Variants in CPT1A observed in about 807,000 individuals in gnomAD.
CPT1A encodes carnitine O-palmitoyltransferase 1, liver isoform.
In CPT1A, 64 loss-of-function variants were observed where a neutral mutation model predicts 100.8. That is an observed-to-expected ratio of 0.63 (90% CI 0.52 to 0.78). The LOEUF (loss-of-function observed/expected upper bound fraction) is 0.78. Among genes scored for constraint, CPT1A ranks in the 30% least tolerant of loss-of-function variants. CPT1A has a pLI of 0.00. For missense variants in CPT1A, 802 were observed against 1,034.1 expected (o/e 0.78, Z 3.08); for synonymous variants, 363 against 396.0 (o/e 0.92, Z 0.99).
At chr11:68,754,713 G>C (rs1946660893), downstream of CPT1A, 1 of 744,600 alleles carries the variant, frequency 1.3e-6, no homozygotes, top group Admixed American at 1.8e-5. Context: ...CACAGCAAGT[G>C]AAAATCAACA....
chr11:68,812,071 C>A (rs1856226972), intron 3 of CPT1A, among the ~76,000 whole-genome samples: 1 of 152,146 alleles, frequency 6.6e-6, no homozygotes, highest in South Asian at 2.1e-4. Context: ...ACTCCAAGTG[C>A]AAAGAAATGA....
At chr11:68,759,264 G>A (rs750926167) in intron 18 of CPT1A, among the ~76,000 whole-genome samples, 4 of 151,676 alleles carry the variant, frequency 2.6e-5, no homozygotes, top group South Asian at 2.1e-4. Context: ...GGGTAGTGGC[G>A]GGTGCCTGTA....
At chr11:68,802,033 G>A (rs1003063458) in intron 5 of CPT1A, among the ~76,000 whole-genome samples, 4 of 152,114 alleles carry the variant, frequency 2.6e-5, no homozygotes, top group African/African-American at 9.7e-5. Flanking sequence ...AAAAGGCCAC[G>A]TGATTCCATT....
intron 1 of CPT1A, among the ~76,000 whole-genome samples, chr11:68,837,674 T>C (rs895468271): frequency 1.3e-5 from 2 of 150,492 alleles, no homozygotes; most frequent in Non-Finnish European, 3.0e-5. Context: ...CAATCCAGAG[T>C]GGAAAAAGGG....
At chr11:68,834,856 G>A (rs189947136) in intron 1 of CPT1A, among the ~76,000 whole-genome samples, 3 of 151,912 alleles carry the variant, frequency 2.0e-5, no homozygotes, top group African/African-American at 7.2e-5. Flanking sequence ...AAAACTACCT[G>A]GGCATGGTGG....
chr11:68,765,877 CTT>C (rs752519546), intron 14 of CPT1A, among the ~76,000 whole-genome samples: 8 of 143,576 alleles, frequency 5.6e-5, no homozygotes, highest in Admixed American at 1.4e-4. Flanking sequence ...GAGGGGCTAC[CTT>C]TTTTTTTTTT....
At chr11:68,773,825 A>G (rs1855064471) in intron 13 of CPT1A, 1 of 313,340 alleles carries the variant, frequency 3.2e-6, no homozygotes, top group Non-Finnish European at 6.2e-6. Flanking sequence ...CTTCCCGATA[A>G]GATCTCAAGC....
chr11:68,807,706 G>A lies in CPT1A; in HGVS notation c.282-68C>T, dbSNP rs529503782. On this transcript the variant is annotated intron_variant, in intron 3 of 18. Coordinates refer to ENST00000265641, the MANE Select transcript of CPT1A (RefSeq NM_001876.4). ...ACACGGTGCCACCAACACCACCGGT[G>A]ACGCCACAGACACCACGTGCTGCAG... 11 of 1,497,506 alleles carry A rather than the reference G, an allele frequency of 7.3e-6. No individual in the cohort carries two copies. The South Asian group carries it at 9.2e-5, about 12-fold the overall frequency. 92.8% of individuals were successfully genotyped at this position (1,497,506 alleles called of 1,614,324 possible). A position where few individuals can be genotyped will look rare whatever the true frequency, so the allele number is the denominator to read the frequency against.
intron 9 of CPT1A, among the ~76,000 whole-genome samples, chr11:68,788,654 A>AAAAAAAAAAAAAAT (rs369572011): frequency 6.8e-6 from 1 of 146,154 alleles, no homozygotes; most frequent in Non-Finnish European, 1.5e-5. Context: ...AAAAAAAAAA[A>AAAAAAAAAAAAAAT]GCAGAATGTC....
At chr11:68,768,477 C>T (rs550545837) in intron 14 of CPT1A, among the ~76,000 whole-genome samples, 3 of 151,992 alleles carry the variant, frequency 2.0e-5, no homozygotes, top group Non-Finnish European at 2.9e-5. Context: ...GTGGTCTTGG[C>T]GGCTCACTGC....
chr11:68,811,792 T>A (rs1281848643), intron 3 of CPT1A, among the ~76,000 whole-genome samples: 1 of 151,874 alleles, frequency 6.6e-6, no homozygotes, highest in Non-Finnish European at 1.5e-5. Flanking sequence ...ACATCACAGG[T>A]GTGCAATAAA....
intron 18 of CPT1A, 98 bp downstream of exon 18, chr11:68,759,471 G>A (rs983359970): frequency 4.8e-6 from 4 of 835,530 alleles, no homozygotes; most frequent in South Asian, 4.3e-5. Flanking sequence ...GCAGGCAGTT[G>A]AATTGACTTT....
intron 5 of CPT1A, among the ~76,000 whole-genome samples, chr11:68,802,491 G>A (rs534698870): frequency 4.6e-5 from 7 of 151,330 alleles, no homozygotes; most frequent in African/African-American, 9.7e-5. Flanking sequence ...CAGTACTTTC[G>A]GAGGCCGAGG....
At position 68,841,778 on chromosome 11, in the gene CPT1A, G is replaced by A; in HGVS notation, c.-17C>T. On this transcript the variant is annotated 5_prime_UTR_variant, in exon 1 of 19. Coordinates refer to ENST00000265641, the MANE Select transcript of CPT1A (RefSeq NM_001876.4). This position sits in a 1 kb window ranked among gnomAD's most constrained non-coding sequence, Gnocchi z 6.3. ...ACCGCGGGCGACCGGGCCTCACCGAGTCAGCTACGGAGGTGCGGCAGCGGC... is the reference window on the plus strand; with the variant it reads ...ACCGCGGGCGACCGGGCCTCACCGAATCAGCTACGGAGGTGCGGCAGCGGC... The A allele has an allele frequency of 3.0e-6, 3 of 989,800 alleles. No individual in the cohort carries two copies. Among genetic ancestry groups the A allele is most frequent in the Non-Finnish European group, 1.2e-6 (1 of 833,634 alleles). The allele number at this position is 989,800 out of a possible 1,614,324, so 61.3% of individuals were successfully genotyped here.
upstream of CPT1A, chr11:68,844,056 TC>T (rs916355048): frequency 6.6e-6 from 1 of 152,328 alleles, no homozygotes; most frequent in East Asian, 1.9e-4. Context: ...CGTGCGCCCT[TC>T]CCTGCGCGCC....
chr11:68,837,194 C>T (rs1334485139), intron 1 of CPT1A, among the ~76,000 whole-genome samples: 3 of 152,150 alleles, frequency 2.0e-5, no homozygotes, highest in East Asian at 1.9e-4. Context: ...GGATTACAGG[C>T]GTGCATCACC....
rs111558940 is a variant in CPT1A, at chr11:68,759,391, T to C, written c.2235+178A>G. Among the ~76,000 whole-genome samples the C allele has an allele frequency of 9.8e-3, 1,477 of 150,524 alleles. 29 individuals are homozygous for C. Among genetic ancestry groups the C allele is most frequent in the African/African-American group, 0.034 (1,408 of 40,960 alleles). The stretch of plus-strand genomic sequence containing the variant: ...GCCTGGGCGACAGAGTGAGACTGTG[T>C]CTCCAAAAAAAAAAAAATTTTTTTT... On this transcript the variant is annotated intron_variant, in intron 18 of 18. Transcript: ENST00000265641.
intron 14 of CPT1A, 117 bp downstream of exon 14, chr11:68,773,148 G>A: frequency 3.6e-5 from 55 of 1,543,632 alleles, no homozygotes; most frequent in Non-Finnish European, 4.7e-5. Flanking sequence ...GTCGGGGGGA[G>A]CTGTGCTTCT....
At chr11:68,767,339 T>C (rs1244667295) in intron 14 of CPT1A, among the ~76,000 whole-genome samples, 1 of 152,218 alleles carries the variant, frequency 6.6e-6, no homozygotes, top group African/African-American at 2.4e-5. Flanking sequence ...CTCACACCTG[T>C]AATCCCAGCA....
Sources: gnomAD v4.1 joint callset for allele counts (sites outside exome capture counted in the v4.1 genomes callset) on GRCh38, gnomAD v4.1.1 for gene constraint, Gnocchi (gnomAD v3.1) non-coding constraint, MANE v1.5 for transcripts, NCBI Gene and HGNC (gene_info 2026-07-23, HGNC 2026-07-21) for gene names.